Variants in PTPRR observed in about 807,000 individuals in gnomAD.
PTPRR encodes the protein receptor-type tyrosine-protein phosphatase R.
A neutral mutation model predicts 77.2 loss-of-function variants in PTPRR; 38 were observed. That is an observed-to-expected ratio of 0.49 (90% CI 0.38 to 0.65). The LOEUF (loss-of-function observed/expected upper bound fraction) is 0.65. PTPRR is among the 30% of genes least tolerant of loss of function. PTPRR has a pLI of 0.00. For missense variants in PTPRR, 744 were observed against 799.2 expected (o/e 0.93, Z 0.83); for synonymous variants, 299 against 283.1 (o/e 1.06, Z -0.57).
rs1565679251 is a variant in PTPRR, at chr12:70,746,098, G to A, written c.739-12C>T. The A allele has an allele frequency of 1.9e-6, 3 of 1,600,944 alleles. No homozygotes were observed. The highest frequency in any genetic ancestry group is 2.6e-6 in the Non-Finnish European group (3 of 1,173,352). On this transcript the variant is annotated splice_polypyrimidine_tract_variant and intron_variant, in intron 5 of 13. Transcript: ENST00000283228. ...AATCTGTAAAGAATCTATAGAAGGA[G>A]ATATAAAAAACTCCTGTCACATTTT...
chr12:70,707,037 G>A (rs1158884045), intron 6 of PTPRR, among the ~76,000 whole-genome samples: 1 of 152,102 alleles, frequency 6.6e-6, no homozygotes, highest in Non-Finnish European at 1.5e-5. Flanking sequence ...AGTACACACT[G>A]ATGAACATTT....
chr12:70,646,217 G>A (rs1886192988), intron 13 of PTPRR, among the ~76,000 whole-genome samples: 1 of 152,180 alleles, frequency 6.6e-6, no homozygotes, highest in South Asian at 2.1e-4. Context: ...GCTACTGTCT[G>A]CTGTGCTTAG....
chr12:70,920,235 A>C (rs1054254005), intron 1 of PTPRR, 98 bp downstream of exon 1: 1 of 1,332,164 alleles, frequency 7.5e-7, no homozygotes, highest in Non-Finnish European at 1.1e-6. Context: ...CTTTTTAGAA[A>C]GGCTTTCTTC....
chr12:70,647,549 C>G (rs763222958), intron 13 of PTPRR, among the ~76,000 whole-genome samples: 1 of 152,224 alleles, frequency 6.6e-6, no homozygotes. Flanking sequence ...CATACCCAAG[C>G]CTAAATGAAT....
chr12:70,732,271 C>T (rs887506977), intron 6 of PTPRR, among the ~76,000 whole-genome samples: 1 of 152,154 alleles, frequency 6.6e-6, no homozygotes, highest in Non-Finnish European at 1.5e-5. Context: ...ACTAAGGATT[C>T]TGTCAGGAAA....
At chr12:70,801,830 T>C (rs1269342823) in intron 2 of PTPRR, among the ~76,000 whole-genome samples, 2 of 152,190 alleles carry the variant, frequency 1.3e-5, no homozygotes, top group African/African-American at 4.8e-5. Context: ...AAATCCAGAC[T>C]AATATATCCA....
At chr12:70,883,601 A>T (rs1345175202) in intron 2 of PTPRR, among the ~76,000 whole-genome samples, 2 of 152,154 alleles carry the variant, frequency 1.3e-5, no homozygotes, top group Non-Finnish European at 1.5e-5. Flanking sequence ...GGACTATACT[A>T]AGTTAAATGA....
At chr12:70,682,292 C>T (rs1887703849) in intron 10 of PTPRR, among the ~76,000 whole-genome samples, 1 of 151,822 alleles carries the variant, frequency 6.6e-6, no homozygotes, top group African/African-American at 2.4e-5. Context: ...ATCCGCCCGC[C>T]TCGGCCTCCC....
At position 70,901,499 on chromosome 12, in the gene PTPRR, A is replaced by G. The variant is rs149335815; in HGVS notation, c.59-8522T>C. Among the ~76,000 whole-genome samples, 780 of 151,814 alleles carry G rather than the reference A, an allele frequency of 5.1e-3. 6 individuals carry two copies. Among genetic ancestry groups the G allele is most frequent in the African/African-American group, 0.018 (747 of 41,500 alleles). On this transcript the variant is annotated intron_variant, in intron 1 of 13. Transcript: ENST00000283228. ...TCTTCGATAAAGCAAACAAAAATAT[A>G]AAGTGGGGAAAGGATATCCTTTGCA...
intron 6 of PTPRR, among the ~76,000 whole-genome samples, chr12:70,730,452 A>C (rs1362463655): frequency 1.3e-5 from 2 of 152,132 alleles, no homozygotes; most frequent in Non-Finnish European, 2.9e-5. Flanking sequence ...AGGAGGTTGC[A>C]GTGAGCTGAG....
At chr12:70,864,988 T>C (rs1177506350) in intron 2 of PTPRR, among the ~76,000 whole-genome samples, 2 of 151,880 alleles carry the variant, frequency 1.3e-5, no homozygotes, top group African/African-American at 4.9e-5. Context: ...ATTTTTTTTG[T>C]ATTTTTAGTA....
intron 9 of PTPRR, 86 bp from the exon 10 acceptor site, chr12:70,684,350 G>C (rs1268276677): frequency 1.4e-6 from 2 of 1,448,412 alleles, no homozygotes; most frequent in African/African-American, 2.8e-5. Flanking sequence ...CAACGAAATA[G>C]CTGGGCTAGT....
intron 10 of PTPRR, among the ~76,000 whole-genome samples, chr12:70,677,926 T>G (rs1887507779): frequency 6.6e-6 from 1 of 152,164 alleles, no homozygotes; most frequent in African/African-American, 2.4e-5. Flanking sequence ...TAGAATGAGT[T>G]TGGATATGTT....
At chr12:70,762,369 A>G (rs1041401592) in intron 3 of PTPRR, among the ~76,000 whole-genome samples, 2 of 152,122 alleles carry the variant, frequency 1.3e-5, no homozygotes, top group African/African-American at 4.8e-5. Context: ...CTTACACAAC[A>G]CACTAATAGA....
At chr12:70,820,321 C>A (rs1000299390) in intron 2 of PTPRR, among the ~76,000 whole-genome samples, 4 of 152,088 alleles carry the variant, frequency 2.6e-5, no homozygotes, top group Non-Finnish European at 4.4e-5. Flanking sequence ...CTCCCCTGAG[C>A]TCTTTTTTCT....
intron 2 of PTPRR, among the ~76,000 whole-genome samples, chr12:70,766,661 G>A (rs1478493031): frequency 6.6e-6 from 1 of 151,078 alleles, no homozygotes; most frequent in African/African-American, 2.5e-5. Context: ...GAAATACAGA[G>A]AATGCCACAA....
At position 70,684,776 on chromosome 12, in the gene PTPRR, G is replaced by T; in HGVS notation, c.1287C>A (p.Leu429=). The T allele has an allele frequency of 6.3e-7, 1 of 1,599,280 alleles. No individual in the cohort carries two copies. The highest frequency in any genetic ancestry group is 1.1e-5 in the South Asian group (1 of 88,658). ...TTTTTGGTCTTAAACACACTCTGCT[G>T]AGGGGATCTAATGAAGAAAACAAAA... ...NRYKTILPNP[L]SRVCLRPKNV... Residue 429 remains leucine, a synonymous_variant, in exon 9 of 14, where the codon CTC becomes CTA. Transcript: ENST00000283228.
At position 70,872,334 on chromosome 12, in the gene PTPRR, A is replaced by G. The variant is rs539293185; in HGVS notation, c.357+20345T>C. Among the ~76,000 whole-genome samples, 22 of 152,242 alleles carry G rather than the reference A, an allele frequency of 1.4e-4. 1 individual carries two copies. In the South Asian group the frequency reaches 4.4e-3, roughly 30 times the overall value. The stretch of plus-strand genomic sequence containing the variant: ...TCCTGAGTTTGAGGCCTTGCATACA[A>G]TATATTGCCCATATTAAATGTTTTT... On this transcript the variant is annotated intron_variant, in intron 2 of 13. Transcript: ENST00000283228.
intron 10 of PTPRR, among the ~76,000 whole-genome samples, chr12:70,674,814 TA>T (rs1432179620): frequency 6.6e-6 from 1 of 152,170 alleles, no homozygotes; most frequent in Non-Finnish European, 1.5e-5. Flanking sequence ...TAATAAATAC[TA>T]ATATCTGATT....
Sources: gnomAD v4.1 joint callset for allele counts (sites outside exome capture counted in the v4.1 genomes callset) on GRCh38, gnomAD v4.1.1 for gene constraint, MANE v1.5 for transcripts, NCBI Gene and HGNC (gene_info 2026-07-23, HGNC 2026-07-21) for gene names.